The following TMEM37 variants were observed in gnomAD, a reference collection of about 807,000 sequenced individuals.
TMEM37 encodes the protein transmembrane protein 37, also known as voltage-dependent calcium channel gamma-like subunit.
Under a neutral mutation model 11.0 loss-of-function variants are expected in TMEM37, and 12 were observed. The ratio of observed to expected loss-of-function variants is 1.09; its 90% CI spans 0.70 to 1.76. TMEM37 has a LOEUF of 1.76. Among genes scored for constraint, TMEM37 ranks in the 40% most tolerant of loss-of-function variants. The pLI is 0.00. For missense variants in TMEM37, 203 were observed against 251.2 expected, an observed-to-expected ratio of 0.81 and a Z score of 1.30; for synonymous variants, 127 against 110.5, an observed-to-expected ratio of 1.15 and a Z score of -0.94.
In TMEM37 at chr2:119,437,298, G is replaced by T; in HGVS notation, c.431G>T (p.Gly144Val). ...GTCCTCTCCTCCGGCGGGCTCCTGG[G>T]TTTTGTGATCCTCCTCAGGAACCAA... ...SFVLSSGGLL[G>V]FVILLRNQVT... is the part of the protein sequence containing the mutation. The change falls in exon 2 of 2, where the codon GGT (glycine) becomes GTT (valine). Residue 144 changes from glycine (G) to valine (V), a missense_variant. Coordinates refer to ENST00000306406, the MANE Select transcript of TMEM37 (RefSeq NM_183240.3). 1 of 1,614,216 alleles carries T rather than the reference G, an allele frequency of 6.2e-7. No homozygotes were observed. The highest frequency in any genetic ancestry group is 8.5e-7 in the Non-Finnish European group (1 of 1,180,046).
upstream of TMEM37, among the ~76,000 whole-genome samples, chr2:119,430,786 A>C (rs1682377108): frequency 2.0e-5 from 3 of 149,796 alleles, no homozygotes; most frequent in African/African-American, 7.4e-5. Flanking sequence ...GCCCTTGGAC[A>C]CTCCTCCCAC....
chr2:119,430,877 C>G (rs376448669), upstream of TMEM37, among the ~76,000 whole-genome samples: 2 of 152,322 alleles, frequency 1.3e-5, no homozygotes, highest in South Asian at 4.1e-4. Context: ...TGGCTCATGC[C>G]TGTAATCCTA....
At chr2:119,433,634 C>T (rs1347646862) in intron 1 of TMEM37, among the ~76,000 whole-genome samples, 1 of 152,120 alleles carries the variant, frequency 6.6e-6, no homozygotes, top group South Asian at 2.1e-4. Context: ...TTCTATAGGT[C>T]ACTAGAAATC....
At position 119,437,748 on chromosome 2, in the gene TMEM37, T is replaced by C; in HGVS notation, c.*308T>C. On this transcript the variant is annotated 3_prime_UTR_variant, in exon 2 of 2. Coordinates refer to ENST00000306406, the MANE Select transcript of TMEM37 (RefSeq NM_183240.3). ...CCTTCTTGAATTTTCTTCCCTGGAC[T>C]GGAATACAGTTGGAAGCACAGGGGT... is the stretch of plus-strand genomic sequence containing the variant. 1 of 383,520 alleles carries C rather than the reference T, an allele frequency of 2.6e-6. No individual in the cohort carries two copies. Among genetic ancestry groups the C allele is most frequent in the Non-Finnish European group, 4.7e-6 (1 of 212,114 alleles). 23.8% of individuals were successfully genotyped at this position (383,520 alleles called of 1,614,324 possible). A position where few individuals can be genotyped will look rare whatever the true frequency, so the allele number is the denominator to read the frequency against.
At position 119,432,083 on chromosome 2, in the gene TMEM37, C is replaced by A. The variant is rs1682411878; in HGVS notation, c.21+159C>A. ...CCGCCCCCTGTTGCAAACCTGGGTC[C>A]GGAGGAGGCTGGGCGGGGAGCAACC... On this transcript the variant is annotated intron_variant, in intron 1 of 1. Transcript: ENST00000306406. 3 of 447,236 alleles carry A rather than the reference C, an allele frequency of 6.7e-6. No homozygotes were observed. In the East Asian group the frequency reaches 1.2e-4, roughly 17 times the overall value. The allele number at this position is 447,236 out of a possible 1,614,324, so 27.7% of individuals were successfully genotyped here.
chr2:119,431,699 G>C (rs539708747), upstream of TMEM37, among the ~76,000 whole-genome samples: 21 of 152,208 alleles, frequency 1.4e-4, no homozygotes, highest in East Asian at 3.5e-3. Flanking sequence ...GGCCGCCCTC[G>C]CTGACTCAGC....
In TMEM37 at chr2:119,437,819, GT is replaced by G. The variant is rs746497208; in HGVS notation, c.*382del. On this transcript the variant is annotated 3_prime_UTR_variant, in exon 2 of 2. Transcript: ENST00000306406. ...GCACAGCCAAGGATAGTTCATGCCT[GT>G]TTCATTGACACGTGCTGGGATAGGG... 3 of 216,960 alleles carry G rather than the reference GT, an allele frequency of 1.4e-5. No individual in the cohort carries two copies. The highest frequency in any genetic ancestry group is 2.3e-5 in the African/African-American group (1 of 42,946). 13.4% of individuals were successfully genotyped at this position (216,960 alleles called of 1,614,324 possible). A position where few individuals can be genotyped will look rare whatever the true frequency, so the allele number is the denominator to read the frequency against.
intron 1 of TMEM37, among the ~76,000 whole-genome samples, chr2:119,436,341 A>T (rs1269450393): frequency 6.6e-6 from 1 of 152,126 alleles, no homozygotes; most frequent in African/African-American, 2.4e-5. Context: ...ACGAGGCAAT[A>T]ATCTAGAGTC....
chr2:119,436,253 G>A (rs1228686084), intron 1 of TMEM37, among the ~76,000 whole-genome samples: 1 of 152,180 alleles, frequency 6.6e-6, no homozygotes, highest in East Asian at 1.9e-4. Flanking sequence ...AGACAATGGG[G>A]TTGGCAAGCT....
In TMEM37 at chr2:119,437,386, C is replaced by T. The variant is rs925828153; in HGVS notation, c.519C>T (p.Phe173=). The T allele has an allele frequency of 6.2e-7, 1 of 1,614,140 alleles. No homozygotes were observed. Among genetic ancestry groups the T allele is most frequent in the African/African-American group, 1.3e-5 (1 of 74,950 alleles). ...WCEFTASFLL[F]LNAISGLHIN... is the part of the protein sequence containing the mutation. ...AATTCACTGCCTCCTTCCTCCTCTT[C>T]CTGAACGCCATCAGCGGCCTTCACA... Residue 173 remains phenylalanine, a synonymous_variant, in exon 2 of 2, where the codon TTC becomes TTT. Coordinates refer to ENST00000306406, the MANE Select transcript of TMEM37 (RefSeq NM_183240.3).
At chr2:119,436,792 C>A in intron 1 of TMEM37, 97 bp from the exon 2 acceptor site, 1 of 982,192 alleles carries the variant, frequency 1.0e-6, no homozygotes, top group Non-Finnish European at 1.5e-6. Flanking sequence ...TAAGACAGTG[C>A]GGAGCAGGAT....
chr2:119,431,966 C>A (rs1419466536), intron 1 of TMEM37, 42 bp downstream of exon 1: 25 of 1,188,654 alleles, frequency 2.1e-5, no homozygotes, highest in African/African-American at 3.2e-5. Context: ...GGTGCTGCCC[C>A]GCCGTGGGAG....
At chr2:119,434,438 G>A (rs1682461271) in intron 1 of TMEM37, among the ~76,000 whole-genome samples, 1 of 151,860 alleles carries the variant, frequency 6.6e-6, no homozygotes, top group South Asian at 2.1e-4. Flanking sequence ...GTTTCCTTTG[G>A]TTTCTTTCTT....
At chr2:119,434,769 G>A (rs1682467380) in intron 1 of TMEM37, among the ~76,000 whole-genome samples, 1 of 152,184 alleles carries the variant, frequency 6.6e-6, no homozygotes, top group South Asian at 2.1e-4. Flanking sequence ...CTCACCAAGA[G>A]GGCATGGGGC....
chr2:119,435,855 T>TG (rs1272608898), intron 1 of TMEM37, among the ~76,000 whole-genome samples: 1 of 151,822 alleles, frequency 6.6e-6, no homozygotes, highest in Non-Finnish European at 1.5e-5. Flanking sequence ...AGCTGAGACA[T>TG]GAAGAATGGA....
chr2:119,436,075 G>T (rs1347066691), intron 1 of TMEM37, among the ~76,000 whole-genome samples: 1 of 152,180 alleles, frequency 6.6e-6, no homozygotes, highest in Non-Finnish European at 1.5e-5. Flanking sequence ...CTGGGTCAGG[G>T]CTTGGGTGCA....
upstream of TMEM37, chr2:119,430,115 G>A: frequency 2.5e-6 from 2 of 786,828 alleles, no homozygotes; most frequent in East Asian, 5.4e-5. Flanking sequence ...ACCCAGAGCT[G>A]CGGAGAGTCT....
chr2:119,437,341 C>T lies in TMEM37; in HGVS notation c.474C>T (p.Phe158=), dbSNP rs1573768105. 6.2e-7 allele frequency: 1 copy of T among 1,614,274 alleles called. No individual in the cohort carries two copies. Among genetic ancestry groups the T allele is most frequent in the Non-Finnish European group, 8.5e-7 (1 of 1,180,048 alleles). The change falls in exon 2 of 2, where the codon TTC becomes TTT. Residue 158 remains phenylalanine, a synonymous_variant. Coordinates refer to ENST00000306406, the MANE Select transcript of TMEM37 (RefSeq NM_183240.3). ...LLRNQVTLIG[F]TLMFWCEFTA... ...GGAACCAAGTCACACTCATCGGCTTCACCCTAATGTTTTGGTGCGAATTCA... is the reference window on the plus strand; with the variant it reads ...GGAACCAAGTCACACTCATCGGCTTTACCCTAATGTTTTGGTGCGAATTCA...
In TMEM37 at chr2:119,437,726, TC is replaced by T. The variant is rs1228287226; in HGVS notation, c.*287del. On this transcript the variant is annotated 3_prime_UTR_variant, in exon 2 of 2. Transcript: ENST00000306406. Reference sequence around the variant, plus strand: ...AAGAAAAAAACATTTTAAAACTCCTTCTTGAATTTTCTTCCCTGGACTGGAA... The same window carrying T: ...AAGAAAAAAACATTTTAAAACTCCTTTTGAATTTTCTTCCCTGGACTGGAA... 3 of 439,276 alleles carry T rather than the reference TC, an allele frequency of 6.8e-6. No individual in the cohort carries two copies. Among genetic ancestry groups the T allele is most frequent in the African/African-American group, 6.0e-5 (3 of 49,930 alleles). 27.2% of individuals were successfully genotyped at this position (439,276 alleles called of 1,614,324 possible).
Sources: gnomAD v4.1 joint callset for allele counts (sites outside exome capture counted in the v4.1 genomes callset) on GRCh38, gnomAD v4.1.1 for gene constraint, MANE v1.5 for transcripts, NCBI Gene and HGNC (gene_info 2026-07-23, HGNC 2026-07-21) for gene names.